GRIN2B: variants seen among roughly 807,000 people sequenced by gnomAD.
The protein encoded by GRIN2B is glutamate receptor ionotropic, NMDA 2B.
In GRIN2B, 5 loss-of-function variants were observed where a neutral mutation model predicts 114.5. The ratio of observed to expected loss-of-function variants is 0.04; its 90% CI spans 0.02 to 0.09. The LOEUF is 0.09. GRIN2B is among the 10% of genes least tolerant of loss of function. The pLI, the probability that GRIN2B is intolerant of heterozygous loss-of-function variation, is 1.00. For synonymous variants in GRIN2B, 787 were observed against 745.1 expected (o/e 1.06, Z -0.92); for missense variants, 1,108 against 1,943.5 (o/e 0.57, Z 8.08).
At chr12:13,622,735 T>G (rs992368047) in intron 5 of GRIN2B, among the ~76,000 whole-genome samples, 1 of 152,124 alleles carries the variant, frequency 6.6e-6, no homozygotes, top group Admixed American at 6.5e-5. Context: ...GGAGAGTATG[T>G]GTGAGAGAGA....
chr12:13,938,310 T>C (rs1269779553), intron 2 of GRIN2B, among the ~76,000 whole-genome samples: 1 of 152,038 alleles, frequency 6.6e-6, no homozygotes, highest in Non-Finnish European at 1.5e-5. Flanking sequence ...GACCCAACTA[T>C]ATGTTATTTA....
chr12:13,922,927 A>T (rs1158857173), intron 2 of GRIN2B, among the ~76,000 whole-genome samples: 1 of 152,186 alleles, frequency 6.6e-6, no homozygotes, highest in East Asian at 1.9e-4. Flanking sequence ...GCACAATATC[A>T]CAAAGACTTT....
intron 3 of GRIN2B, among the ~76,000 whole-genome samples, chr12:13,830,557 T>C (rs1865127257): frequency 6.6e-6 from 1 of 152,234 alleles, no homozygotes; most frequent in Non-Finnish European, 1.5e-5. Flanking sequence ...CATATTAGCT[T>C]ATCTTTAAAA....
chr12:13,756,606 G>A (rs947338572), intron 3 of GRIN2B, among the ~76,000 whole-genome samples: 1 of 152,318 alleles, frequency 6.6e-6, no homozygotes, highest in East Asian at 1.9e-4. Flanking sequence ...GCAAAGTGAA[G>A]AAACTTTCCA....
chr12:13,940,545 G>T (rs1314824026), intron 2 of GRIN2B, among the ~76,000 whole-genome samples: 1 of 152,052 alleles, frequency 6.6e-6, no homozygotes. Context: ...GTAATACAAG[G>T]GGTGTAACTA....
rs759603737 is a variant in GRIN2B, at chr12:13,621,607, G to GTTTTT, written c.1126-4955_1126-4951dup. On this transcript the variant is annotated intron_variant, in intron 5 of 13. Transcript: ENST00000609686. ...TTCAAGAGAAAAAAAAAATTGCCTA[G>GTTTTT]TTTTTGTTTTTTTTTTTTTTTTTTT... Among the ~76,000 whole-genome samples the GTTTTT allele has an allele frequency of 7.4e-3, 205 of 27,692 alleles. 30 individuals carry two copies. Among genetic ancestry groups the GTTTTT allele is most frequent in the African/African-American group, 0.027 (198 of 7,388 alleles). The allele number at this position is 27,692 out of a possible 152,430, so 18.2% of individuals were successfully genotyped here.
At position 13,916,079 on chromosome 12, in the gene GRIN2B, A is replaced by C. The variant is rs73309939; in HGVS notation, c.-18-49853T>G. On this transcript the variant is annotated intron_variant, in intron 2 of 13. Transcript: ENST00000609686. ...AGAGCTGTGGGGCACCTAAGCAAAA[A>C]CCAGAGCTTTGAGGCCAGGAAATAA... 6.8e-3 allele frequency among the ~76,000 whole-genome samples: 1,032 copies of C among 152,122 alleles called. 19 individuals carry two copies. Among genetic ancestry groups the C allele is most frequent in the African/African-American group, 0.023 (971 of 41,514 alleles).
chr12:13,709,704 C>T (rs545013499), intron 4 of GRIN2B, among the ~76,000 whole-genome samples: 1 of 151,998 alleles, frequency 6.6e-6, no homozygotes, highest in Non-Finnish European at 1.5e-5. Flanking sequence ...ATAACCACAA[C>T]CCCAGCTCTA....
chr12:13,733,618 G>C lies in GRIN2B; in HGVS notation c.1010+19699C>G, dbSNP rs376038907. Among the ~76,000 whole-genome samples, 17 of 152,272 alleles carry C rather than the reference G, an allele frequency of 1.1e-4. No individual in the cohort carries two copies. In the East Asian group the frequency reaches 2.1e-3, roughly 19 times the overall value. On this transcript the variant is annotated intron_variant, in intron 4 of 13. Transcript: ENST00000609686. ...CCTGGTGTTGTATACATCCATGCAA[G>C]AGGTAGGCTTGCGTAGAGGCTCTTA...
intron 5 of GRIN2B, among the ~76,000 whole-genome samples, chr12:13,634,674 C>T (rs1267358730): frequency 6.6e-6 from 1 of 152,180 alleles, no homozygotes; most frequent in African/African-American, 2.4e-5. Context: ...CATCTGTATA[C>T]CCAGAAAGGT....
chr12:13,629,327 C>T (rs1055179220), intron 5 of GRIN2B, among the ~76,000 whole-genome samples: 4 of 152,166 alleles, frequency 2.6e-5, no homozygotes, highest in Admixed American at 6.5e-5. Flanking sequence ...GCATCTCTCA[C>T]GGAAATGCTT....
chr12:13,742,996 G>A (rs1248304307), intron 4 of GRIN2B, among the ~76,000 whole-genome samples: 6 of 152,192 alleles, frequency 3.9e-5, no homozygotes, highest in Admixed American at 6.5e-5. Context: ...GTGGATGAAA[G>A]AGTGGAAAGC....
intron 3 of GRIN2B, among the ~76,000 whole-genome samples, chr12:13,844,959 A>T (rs1339375730): frequency 6.6e-6 from 1 of 151,464 alleles, no homozygotes; most frequent in Non-Finnish European, 1.5e-5. Flanking sequence ...TTTCTGGAAG[A>T]CTCCCTGCTT....
At position 13,834,069 on chromosome 12, in the gene GRIN2B, C is replaced by A. The variant is rs566548449; in HGVS notation, c.411+31729G>T. Among the ~76,000 whole-genome samples the A allele has an allele frequency of 2.9e-4, 36 of 123,670 alleles. No individual in the cohort carries two copies. In the Admixed American group the frequency reaches 3.1e-3, roughly 11 times the overall value. The allele number at this position is 123,670 out of a possible 152,430, so 81.1% of individuals were successfully genotyped here. The stretch of plus-strand genomic sequence containing the variant: ...TTTTTGAGACGGAGTCTCGCACTGT[C>A]TCCCAGGCTAGAGTGCAGTGGTGCA... On this transcript the variant is annotated intron_variant, in intron 3 of 13. Coordinates refer to ENST00000609686, the MANE Select transcript of GRIN2B (RefSeq NM_000834.5).
chr12:13,853,611 T>C (rs77748909), intron 3 of GRIN2B, among the ~76,000 whole-genome samples: 4 of 152,166 alleles, frequency 2.6e-5, no homozygotes, highest in Admixed American at 2.6e-4. Flanking sequence ...GCCATGTCTG[T>C]CTGCTAAAAA....
At position 13,753,515 on chromosome 12, in the gene GRIN2B, G is replaced by A. The variant is rs138098032; in HGVS notation, c.812C>T (p.Ala271Val). 146 of 1,614,098 alleles carry A rather than the reference G, an allele frequency of 9.0e-5. No individual in the cohort carries two copies. In the African/African-American group the frequency reaches 1.7e-3, roughly 18 times the overall value. Residue 271 changes from alanine (A) to valine (V), a missense_variant, in exon 4 of 14, where the codon GCG (alanine) becomes GTG (valine). By Grantham distance (64) the Ala-to-Val change is moderately conservative (BLOSUM62 0). This residue lies in a region of GRIN2B where 199 missense variants were observed against 439.6 expected (regional missense o/e 0.45). Transcript: ENST00000609686. This position sits in a 1 kb window ranked among gnomAD's most constrained non-coding sequence, Gnocchi z 6.2. ...LVAGDTDTVPAEFPTGLISVS... is the reference protein window; with the variant it reads ...LVAGDTDTVPVEFPTGLISVS... ...AGAGATGAGCCCAGTGGGGAACTCC[G>A]CAGGCACTGTGTCTGTATCCCCTGC...
rs2072539 is a variant in GRIN2B at position 13,569,701 on chromosome 12, T to C, written c.2359+129A>G. The C allele has an allele frequency of 0.31, 196,779 of 641,860 alleles. 32,750 individuals are homozygous for C. The highest frequency in any genetic ancestry group is 0.52 in the East Asian group (19,197 of 36,680). 39.8% of individuals were successfully genotyped at this position (641,860 alleles called of 1,614,324 possible). A position where few individuals can be genotyped will look rare whatever the true frequency, so the allele number is the denominator to read the frequency against. On this transcript the variant is annotated intron_variant, in intron 12 of 13. Coordinates refer to ENST00000609686, the MANE Select transcript of GRIN2B (RefSeq NM_000834.5). ...AGGAAACAAATATATACCCGAAAAC[T>C]ACACAATATACTGTGAAATGCTTTT...
At chr12:13,705,730 T>G (rs1184237882) in intron 4 of GRIN2B, among the ~76,000 whole-genome samples, 6 of 152,188 alleles carry the variant, frequency 3.9e-5, no homozygotes, top group Non-Finnish European at 8.8e-5. Flanking sequence ...CTATAATAAT[T>G]ATTTTTAAAT....
intron 2 of GRIN2B, among the ~76,000 whole-genome samples, chr12:13,976,886 C>G (rs1863030126): frequency 6.6e-6 from 1 of 152,094 alleles, no homozygotes; most frequent in Non-Finnish European, 1.5e-5. Context: ...TCCTGTTTCT[C>G]CCAAACACCC....
Sources: gnomAD v4.1 joint callset for allele counts (sites outside exome capture counted in the v4.1 genomes callset) on GRCh38, gnomAD v4.1.1 for gene constraint, gnomAD v4.1.1 regional missense constraint, Gnocchi (gnomAD v3.1) non-coding constraint, MANE v1.5 for transcripts, NCBI Gene and HGNC (gene_info 2026-07-23, HGNC 2026-07-21) for gene names.